Variants in EYA2 observed in about 807,000 individuals in gnomAD.
EYA2 encodes the protein protein phosphatase EYA2.
A neutral mutation model predicts 69.2 loss-of-function variants in EYA2; 31 were observed. That is an observed-to-expected ratio of 0.45 (90% CI 0.34 to 0.60). The LOEUF is 0.60. Among genes scored for constraint, EYA2 ranks in the 20% least tolerant of loss-of-function variants. EYA2 has a pLI of 0.02. For synonymous variants in EYA2, 257 were observed against 279.4 expected, an observed-to-expected ratio of 0.92 and a Z score of 0.80; for missense variants, 622 against 701.2, an observed-to-expected ratio of 0.89 and a Z score of 1.28.
intron 1 of EYA2, among the ~76,000 whole-genome samples, chr20:46,932,912 G>T (rs1985734947): frequency 6.6e-6 from 1 of 151,906 alleles, no homozygotes; most frequent in Non-Finnish European, 1.5e-5. Context: ...AAAGTGTTTG[G>T]CAGTCTCCCT....
chr20:47,157,302 C>T (rs577925941), intron 10 of EYA2, among the ~76,000 whole-genome samples: 2 of 135,814 alleles, frequency 1.5e-5, no homozygotes, highest in South Asian at 2.4e-4. Flanking sequence ...TGCAGTGAGC[C>T]GAGATTGCAC....
chr20:46,922,839 A>G (rs1454846095), intron 1 of EYA2, among the ~76,000 whole-genome samples: 1 of 152,182 alleles, frequency 6.6e-6, no homozygotes, highest in Non-Finnish European at 1.5e-5. Context: ...AATAATAGTC[A>G]CTATGCAGTG....
At chr20:47,176,595 A>G (rs2034431102) in intron 12 of EYA2, among the ~76,000 whole-genome samples, 1 of 152,216 alleles carries the variant, frequency 6.6e-6, no homozygotes, top group African/African-American at 2.4e-5. Context: ...GGAATGACCA[A>G]TACAAGCAAA....
chr20:46,956,685 G>A lies in EYA2; in HGVS notation c.-10-33316G>A, dbSNP rs374782748. ...CTGCAAGGAGACTGAGAAATGCAGC[G>A]TAGATCTGTGTTCAGGAGGAAGAAT... On this transcript the variant is annotated intron_variant, in intron 1 of 15. Transcript: ENST00000327619. 3.7e-4 allele frequency among the ~76,000 whole-genome samples: 57 copies of A among 152,348 alleles called. 1 individual carries two copies. The highest frequency in any genetic ancestry group is 3.3e-3 in the South Asian group (16 of 4,824).
At chr20:47,028,115 G>T (rs947929829) in intron 5 of EYA2, among the ~76,000 whole-genome samples, 5 of 152,156 alleles carry the variant, frequency 3.3e-5, no homozygotes, top group African/African-American at 1.2e-4. Context: ...CGACCTCCTT[G>T]TCTCTCCCTG....
At chr20:47,004,270 T>A (rs1982553642) in intron 3 of EYA2, among the ~76,000 whole-genome samples, 2 of 152,170 alleles carry the variant, frequency 1.3e-5, no homozygotes. Context: ...ATTCAAGCAA[T>A]ATGGAGGATT....
At chr20:46,921,538 A>G (rs1985179327) in intron 1 of EYA2, among the ~76,000 whole-genome samples, 1 of 152,190 alleles carries the variant, frequency 6.6e-6, no homozygotes, top group Non-Finnish European at 1.5e-5. Context: ...GGCAGTCACA[A>G]CATGCTATGC....
intron 5 of EYA2, among the ~76,000 whole-genome samples, chr20:47,052,280 G>T (rs1309840678): frequency 6.6e-6 from 1 of 152,172 alleles, no homozygotes. Flanking sequence ...GGAGCATGGG[G>T]GCTGCTTTAG....
At chr20:46,990,169 C>A in intron 2 of EYA2, 50 bp downstream of exon 2, 2 of 980,434 alleles carry the variant, frequency 2.0e-6, no homozygotes, top group Non-Finnish European at 3.3e-6. Context: ...GGTCCTAGGT[C>A]ACCCTGAGAA....
intron 1 of EYA2, among the ~76,000 whole-genome samples, chr20:46,965,058 G>A (rs1979692375): frequency 6.6e-6 from 1 of 152,164 alleles, no homozygotes; most frequent in Admixed American, 6.5e-5. Context: ...AACAGACGGT[G>A]GAACTGCCAG....
intron 1 of EYA2, among the ~76,000 whole-genome samples, chr20:46,933,750 G>A (rs560837628): frequency 1.0e-3 from 155 of 152,320 alleles, no homozygotes; most frequent in African/African-American, 3.5e-3. Context: ...AGGGCCTTCC[G>A]TCAAGATTTG....
intron 1 of EYA2, among the ~76,000 whole-genome samples, chr20:46,985,765 C>A (rs1204214922): frequency 6.6e-6 from 1 of 152,176 alleles, no homozygotes; most frequent in Non-Finnish European, 1.5e-5. Context: ...TAAGGCAATA[C>A]TCTTGTATTT....
At position 47,169,198 on chromosome 20, in the gene EYA2, G is replaced by C; in HGVS notation, c.1037+1G>C. On this transcript the variant is annotated splice_donor_variant, in intron 11 of 15. Coordinates refer to ENST00000327619, the MANE Select transcript of EYA2 (RefSeq NM_005244.5). LOFTEE classifies it high-confidence loss of function. Reference sequence around the variant, plus strand: ...CAGATGACAATGGCCAAGATTTAAGGTGGGAATTTGGGGAGTCAAAAATGC... The same window carrying C: ...CAGATGACAATGGCCAAGATTTAAGCTGGGAATTTGGGGAGTCAAAAATGC... The C allele has an allele frequency of 6.2e-7, 1 of 1,613,938 alleles. No individual in the cohort carries two copies. The highest frequency in any genetic ancestry group is 8.5e-7 in the Non-Finnish European group (1 of 1,179,874).
intron 7 of EYA2, among the ~76,000 whole-genome samples, chr20:47,080,748 C>T (rs1568765637): frequency 6.6e-6 from 1 of 152,074 alleles, no homozygotes. Context: ...AAAGGAGAAG[C>T]AAGTCACATC....
intron 2 of EYA2, chr20:46,998,305 T>C (rs1388923604): frequency 2.0e-5 from 3 of 152,312 alleles, no homozygotes; most frequent in Non-Finnish European, 4.4e-5. Context: ...CGGGCTACAC[T>C]GAAGACCACG....
intron 11 of EYA2, among the ~76,000 whole-genome samples, chr20:47,169,420 A>T (rs571397724): frequency 6.6e-6 from 1 of 152,194 alleles, no homozygotes; most frequent in East Asian, 1.9e-4. Context: ...TCTTAGCAGG[A>T]GGATCACTTG....
intron 9 of EYA2, among the ~76,000 whole-genome samples, chr20:47,110,539 C>T (rs889357208): frequency 2.6e-5 from 4 of 152,166 alleles, no homozygotes; most frequent in Non-Finnish European, 5.9e-5. Context: ...TGCTCTTAAC[C>T]ACGTAACATG....
At chr20:46,955,845 A>C (rs1979093842) in intron 1 of EYA2, among the ~76,000 whole-genome samples, 1 of 152,214 alleles carries the variant, frequency 6.6e-6, no homozygotes, top group Admixed American at 6.6e-5. Flanking sequence ...AGGCATTGGC[A>C]AACTTTTTCT....
chr20:47,061,876 T>C (rs756910422), intron 5 of EYA2, among the ~76,000 whole-genome samples: 2 of 152,160 alleles, frequency 1.3e-5, no homozygotes, highest in Non-Finnish European at 2.9e-5. Flanking sequence ...AAACGGATTC[T>C]TCCCCACAGA....
Sources: gnomAD v4.1 joint callset for allele counts (sites outside exome capture counted in the v4.1 genomes callset) on GRCh38, gnomAD v4.1.1 for gene constraint, MANE v1.5 for transcripts, NCBI Gene and HGNC (gene_info 2026-07-23, HGNC 2026-07-21) for gene names.